SAMSN1: variants seen among roughly 807,000 people sequenced by gnomAD.
The protein encoded by SAMSN1 is SAM domain, SH3 domain and nuclear localization signals 1.
SAMSN1 carries 31 observed loss-of-function variants against 42.0 expected under a neutral mutation model. The ratio of observed to expected loss-of-function variants is 0.74; its 90% CI spans 0.55 to 1.00. The LOEUF (loss-of-function observed/expected upper bound fraction) is 1.00, where lower values mean the gene tolerates loss of function less well. Among genes scored for constraint, SAMSN1 ranks in the 50% least tolerant of loss-of-function variants. The pLI is 0.00. For missense variants in SAMSN1, 464 were observed against 439.4 expected (o/e 1.06, Z -0.50); for synonymous variants, 178 against 151.9 (o/e 1.17, Z -1.26).
intron 7 of SAMSN1, among the ~76,000 whole-genome samples, chr21:14,497,666 A>T (rs1986967757): frequency 6.6e-6 from 1 of 152,184 alleles, no homozygotes; most frequent in Admixed American, 6.5e-5. Context: ...GGATTTGATT[A>T]TCTAAGTTCC....
At chr21:14,625,704 C>G (rs566002546) in intron 2 of SAMSN1, among the ~76,000 whole-genome samples, 1 of 152,260 alleles carries the variant, frequency 6.6e-6, no homozygotes, top group South Asian at 2.1e-4. Flanking sequence ...CCACACTGCC[C>G]AAAGTAATTT....
chr21:14,520,548 A>AT lies in SAMSN1; in HGVS notation c.129+601dup, dbSNP rs1200794563. Among the ~76,000 whole-genome samples the AT allele has an allele frequency of 2.6e-5, 4 of 152,026 alleles. No homozygotes were observed. In the East Asian group the frequency reaches 7.7e-4, roughly 29 times the overall value. On this transcript the variant is annotated intron_variant, in intron 2 of 7. Transcript: ENST00000400566. ...CATCTGTTAGGCTTCTTAAAATAAGATTTTACTTTTAATGCCCTGCACGGT... is the reference window on the plus strand; with the variant it reads ...CATCTGTTAGGCTTCTTAAAATAAGATTTTTACTTTTAATGCCCTGCACGGT...
chr21:14,582,491 G>T, intron 1 of SAMSN1: 1 of 983,196 alleles, frequency 1.0e-6, no homozygotes. Flanking sequence ...TTCATCTTCT[G>T]AATGACAAAG....
In SAMSN1 at chr21:14,631,141, A is replaced by G. The variant is rs78434136; in HGVS notation, c.156+11861T>C. 6.2e-3 allele frequency among the ~76,000 whole-genome samples: 945 copies of G among 152,094 alleles called. 17 individuals carry two copies. Among genetic ancestry groups the G allele is most frequent in the African/African-American group, 0.022 (915 of 41,514 alleles). On this transcript the variant is annotated intron_variant, in intron 2 of 15. Coordinates refer to the SAMSN1 transcript ENST00000647101. Reference sequence around the variant, plus strand: ...CCTCTCTTTCATCATTTTTAACTCTATTTCTTCCTTTTTAAGCTAAGCTTA... The same window carrying G: ...CCTCTCTTTCATCATTTTTAACTCTGTTTCTTCCTTTTTAAGCTAAGCTTA...
chr21:14,655,691 GACTGAATTAT>G (rs1334229862), intron 1 of SAMSN1, among the ~76,000 whole-genome samples: 2 of 151,700 alleles, frequency 1.3e-5, no homozygotes, highest in Admixed American at 1.3e-4. Context: ...TCCTCATGAA[GACTGAATTAT>G]AAATAATTAT....
chr21:14,574,697 G>A (rs1285264531), intron 2 of SAMSN1, among the ~76,000 whole-genome samples: 2 of 152,066 alleles, frequency 1.3e-5, no homozygotes, highest in East Asian at 3.8e-4. Context: ...CACACTTACA[G>A]AGAAATTACA....
intron 3 of SAMSN1, among the ~76,000 whole-genome samples, chr21:14,613,703 A>C (rs1385322389): frequency 3.3e-5 from 5 of 152,166 alleles, no homozygotes; most frequent in Admixed American, 2.6e-4. Context: ...GCTATTTATA[A>C]TATTGTAAAG....
At chr21:14,570,409 C>A (rs35976700) in intron 2 of SAMSN1, among the ~76,000 whole-genome samples, 1,761 of 152,280 alleles carry the variant, frequency 0.012, 17 homozygotes, top group Non-Finnish European at 0.018. Context: ...TCAGGGGAGG[C>A]AAATGGATGA....
chr21:14,533,426 G>T (rs752198456), intron 1 of SAMSN1, among the ~76,000 whole-genome samples: 19 of 152,070 alleles, frequency 1.2e-4, no homozygotes, highest in Non-Finnish European at 2.5e-4. Context: ...ATATAATAAA[G>T]AAACTTAGTT....
chr21:14,591,971 C>T (rs1304426263), intron 7 of SAMSN1: 1 of 152,184 alleles, frequency 6.6e-6, no homozygotes, highest in Non-Finnish European at 1.5e-5. Context: ...TTCTCCACTT[C>T]TGCAGGGGAA....
At chr21:14,577,612 G>T (rs3930263) in intron 2 of SAMSN1, among the ~76,000 whole-genome samples, 96,922 of 151,630 alleles carry the variant, frequency 0.64, 33,546 homozygotes, top group African/African-American at 0.91. Flanking sequence ...GTTAAGATGT[G>T]CCATGCTCTT....
At chr21:14,623,820 T>C (rs1250814590) in intron 2 of SAMSN1, among the ~76,000 whole-genome samples, 1 of 152,196 alleles carries the variant, frequency 6.6e-6, no homozygotes, top group Non-Finnish European at 1.5e-5. Context: ...CAACAGAATA[T>C]ACATTCTTTT....
chr21:14,522,908 C>G (rs1978586147), intron 1 of SAMSN1, among the ~76,000 whole-genome samples: 1 of 152,200 alleles, frequency 6.6e-6, no homozygotes. Context: ...CTGAAGCACA[C>G]ATCCACACTC....
intron 1 of SAMSN1, among the ~76,000 whole-genome samples, chr21:14,650,424 C>T (rs1171980175): frequency 6.6e-6 from 1 of 152,016 alleles, no homozygotes; most frequent in African/African-American, 2.4e-5. Context: ...ACAATATGCT[C>T]CTGAGTGACC....
intron 2 of SAMSN1, among the ~76,000 whole-genome samples, chr21:14,618,206 T>G (rs1234010416): frequency 2.0e-5 from 3 of 152,224 alleles, no homozygotes; most frequent in African/African-American, 2.4e-5. Flanking sequence ...TTAAAAGACT[T>G]TCTTGTAATG....
intron 1 of SAMSN1, among the ~76,000 whole-genome samples, chr21:14,647,335 A>G (rs904624164): frequency 6.6e-6 from 1 of 150,588 alleles, no homozygotes. Context: ...GTTCTGTTCC[A>G]TTGATCTATA....
chr21:14,589,710 T>C (rs1190672732), intron 7 of SAMSN1, among the ~76,000 whole-genome samples: 1 of 152,106 alleles, frequency 6.6e-6, no homozygotes, highest in Non-Finnish European at 1.5e-5. Context: ...TGAATTATGT[T>C]CTCTTTACTC....
At chr21:14,642,925 A>C in intron 2 of SAMSN1, 2 of 673,550 alleles carry the variant, frequency 3.0e-6, no homozygotes, top group Admixed American at 2.3e-5. Context: ...TTGCTGTATT[A>C]ATAAGTATCA....
At chr21:14,535,827 C>G (rs578090836) in intron 1 of SAMSN1, among the ~76,000 whole-genome samples, 53 of 152,148 alleles carry the variant, frequency 3.5e-4, no homozygotes, top group Non-Finnish European at 6.3e-4. Context: ...CTGCCAGCAC[C>G]TTGATCTTGG....
Sources: gnomAD v4.1 joint callset for allele counts (sites outside exome capture counted in the v4.1 genomes callset) on GRCh38, gnomAD v4.1.1 for gene constraint, MANE v1.5 for transcripts, NCBI Gene and HGNC (gene_info 2026-07-23, HGNC 2026-07-21) for gene names.